The following SEC24D variants were observed in gnomAD, a reference collection of about 807,000 sequenced individuals.
SEC24D encodes the protein protein transport protein Sec24D.
A neutral mutation model predicts 116.9 loss-of-function variants in SEC24D; 69 were observed. The ratio of observed to expected loss-of-function variants is 0.59; its 90% CI spans 0.49 to 0.72. The LOEUF is 0.72. Among genes scored for constraint, SEC24D ranks in the 30% least tolerant of loss-of-function variants. SEC24D has a pLI of 0.00. For missense variants in SEC24D, 1,131 were observed against 1,264.1 expected, an observed-to-expected ratio of 0.89 and a Z score of 1.60; for synonymous variants, 405 against 442.8, an observed-to-expected ratio of 0.91 and a Z score of 1.07.
At chr4:118,773,009 G>A (rs1026146015) in intron 8 of SEC24D, among the ~76,000 whole-genome samples, 1 of 151,760 alleles carries the variant, frequency 6.6e-6, no homozygotes, top group African/African-American at 2.4e-5. Flanking sequence ...TTTCAGCACC[G>A]GAGTTCATGT....
chr4:118,820,353 G>A (rs1730348369), intron 3 of SEC24D, among the ~76,000 whole-genome samples: 1 of 151,872 alleles, frequency 6.6e-6, no homozygotes, highest in Non-Finnish European at 1.5e-5. Flanking sequence ...GCTAATTTTT[G>A]TATTTTTAGT....
At chr4:118,753,950 A>C (rs1726959042) in intron 11 of SEC24D, 1 of 152,116 alleles carries the variant, frequency 6.6e-6, no homozygotes, top group Non-Finnish European at 1.5e-5. Flanking sequence ...CTAAAGAGTT[A>C]CTTGAGTACA....
intron 3 of SEC24D, among the ~76,000 whole-genome samples, chr4:118,822,331 T>A (rs1422706726): frequency 6.6e-6 from 1 of 152,196 alleles, no homozygotes; most frequent in Admixed American, 6.5e-5. Context: ...TGCTCTTCAC[T>A]GGGCCAGACC....
At position 118,815,139 on chromosome 4, in the gene SEC24D, C is replaced by A; in HGVS notation, c.690G>T (p.Gln230His). 1.2e-6 allele frequency: 2 copies of A among 1,614,128 alleles called. No individual in the cohort carries two copies. Among genetic ancestry groups the A allele is most frequent in the Non-Finnish European group, 1.7e-6 (2 of 1,180,014 alleles). ...YPPQQANSGP[Q>H]MAGAQLSYPG... is the part of the protein sequence containing the mutation. ...GGTAAGACAGTTGTGCGCCTGCCAT[C>A]TGGGGACCAGAGTTGGCTGCTTGGA... The change falls in exon 6 of 23, where the codon CAG (glutamine) becomes CAT (histidine). Residue 230 changes from glutamine to histidine, a missense_variant. By Grantham distance (24) the Gln-to-His change is conservative. Coordinates refer to ENST00000280551, the MANE Select transcript of SEC24D (RefSeq NM_014822.4).
In SEC24D at chr4:118,723,670, A is replaced by C. The variant is rs775048547; in HGVS notation, c.2959-15T>G. On this transcript the variant is annotated splice_polypyrimidine_tract_variant and intron_variant, in intron 22 of 22. Coordinates refer to ENST00000280551, the MANE Select transcript of SEC24D (RefSeq NM_014822.4). ...ACAATTGTGAGCTAGGAAAAAAAAA[A>C]CAAAACAGTAACAGCCCCTGGTTAT... 1 of 1,591,738 alleles carries C rather than the reference A, an allele frequency of 6.3e-7. No homozygotes were observed. The highest frequency in any genetic ancestry group is 1.4e-5 in the African/African-American group (1 of 73,400).
intron 13 of SEC24D, among the ~76,000 whole-genome samples, chr4:118,749,774 C>T (rs992373773): frequency 6.6e-6 from 1 of 152,132 alleles, no homozygotes; most frequent in Non-Finnish European, 1.5e-5. Flanking sequence ...TGGAGCATCA[C>T]GCAGCCTCTG....
chr4:118,802,622 G>A (rs9884879), intron 7 of SEC24D, among the ~76,000 whole-genome samples: 64 of 152,286 alleles, frequency 4.2e-4, no homozygotes, highest in African/African-American at 1.5e-3. Flanking sequence ...TAGGCTGCAG[G>A]CTAAGGAGAG....
rs115015981 is a variant in SEC24D at position 118,821,699 on chromosome 4, C to T, written c.248+2921G>A. Among the ~76,000 whole-genome samples, 1,378 of 152,018 alleles carry T rather than the reference C, an allele frequency of 9.1e-3. 15 individuals are homozygous for T. The highest frequency in any genetic ancestry group is 0.015 in the Non-Finnish European group (1,010 of 67,948). On this transcript the variant is annotated intron_variant, in intron 3 of 22. Coordinates refer to ENST00000280551, the MANE Select transcript of SEC24D (RefSeq NM_014822.4). ...ATGACACAGATAAAATGCTAGAATC[C>T]ACAAAGAAGAGTCATATGCCATCTA...
chr4:118,784,903 A>C (rs528666409), intron 8 of SEC24D, among the ~76,000 whole-genome samples: 1 of 152,262 alleles, frequency 6.6e-6, no homozygotes, highest in South Asian at 2.1e-4. Flanking sequence ...TTCCTTATGA[A>C]ATTGTTATTC....
intron 8 of SEC24D, among the ~76,000 whole-genome samples, chr4:118,784,923 C>T (rs1294768068): frequency 6.6e-6 from 1 of 152,068 alleles, no homozygotes; most frequent in Non-Finnish European, 1.5e-5. Context: ...CTAGTCAGTG[C>T]AGCTGTTTTT....
At chr4:118,770,294 G>C (rs1056858811) in intron 8 of SEC24D, among the ~76,000 whole-genome samples, 3 of 152,168 alleles carry the variant, frequency 2.0e-5, no homozygotes, top group African/African-American at 7.2e-5. Flanking sequence ...GTAATAGGAA[G>C]AAATTACTTG....
chr4:118,806,706 T>C (rs1729693884), intron 6 of SEC24D, among the ~76,000 whole-genome samples: 1 of 151,948 alleles, frequency 6.6e-6, no homozygotes, highest in Non-Finnish European at 1.5e-5. Flanking sequence ...AATACTGGCC[T>C]GGCACAATGG....
intron 6 of SEC24D, among the ~76,000 whole-genome samples, chr4:118,812,242 T>C (rs1294511349): frequency 6.6e-6 from 1 of 152,066 alleles, no homozygotes; most frequent in Non-Finnish European, 1.5e-5. Context: ...GAAAGATATG[T>C]CCATGTCCTA....
At chr4:118,743,486 C>T (rs1726339841) in intron 15 of SEC24D, among the ~76,000 whole-genome samples, 1 of 152,034 alleles carries the variant, frequency 6.6e-6, no homozygotes, top group Non-Finnish European at 1.5e-5. Context: ...TGCATATAAC[C>T]TACACACATT....
At chr4:118,796,740 A>G (rs554049796) in intron 8 of SEC24D, among the ~76,000 whole-genome samples, 11 of 152,292 alleles carry the variant, frequency 7.2e-5, no homozygotes, top group Admixed American at 4.6e-4. Context: ...AAAGGGAACG[A>G]ATCTGTTTGC....
At chr4:118,775,115 C>T (rs760850534) in intron 8 of SEC24D, among the ~76,000 whole-genome samples, 1 of 152,090 alleles carries the variant, frequency 6.6e-6, no homozygotes, top group Non-Finnish European at 1.5e-5. Context: ...CATATGTTCC[C>T]ATATAACCTT....
intron 8 of SEC24D, 73 bp downstream of exon 8, chr4:118,797,610 A>T: frequency 8.6e-7 from 1 of 1,162,188 alleles, no homozygotes; most frequent in East Asian, 2.5e-5. Flanking sequence ...AGAATAATGT[A>T]TAAGAAAATT....
intron 8 of SEC24D, among the ~76,000 whole-genome samples, chr4:118,778,548 C>A (rs1432663413): frequency 6.6e-6 from 1 of 152,180 alleles, no homozygotes; most frequent in Non-Finnish European, 1.5e-5. Flanking sequence ...TGTGATGCCT[C>A]CAGCTTTGTT....
intron 8 of SEC24D, among the ~76,000 whole-genome samples, chr4:118,777,290 G>A (rs982796330): frequency 6.6e-5 from 10 of 151,816 alleles, no homozygotes; most frequent in Non-Finnish European, 1.0e-4. Context: ...AACAGACCCC[G>A]GTGTGTGATG....
Sources: gnomAD v4.1 joint callset for allele counts (sites outside exome capture counted in the v4.1 genomes callset) on GRCh38, gnomAD v4.1.1 for gene constraint, MANE v1.5 for transcripts, NCBI Gene and HGNC (gene_info 2026-07-23, HGNC 2026-07-21) for gene names.